SLC35F3: variants seen among roughly 807,000 people sequenced by gnomAD.
SLC35F3 encodes the protein putative thiamine transporter SLC35F3.
SLC35F3 carries 25 observed loss-of-function variants against 49.9 expected under a neutral mutation model. That is an observed-to-expected ratio of 0.50 (90% CI 0.37 to 0.70). SLC35F3 has a LOEUF of 0.70. Ranked by LOEUF, SLC35F3 falls within the 30% of genes least tolerant of loss-of-function variation. The pLI is 0.00. For missense variants in SLC35F3, 525 were observed against 639.8 expected, an observed-to-expected ratio of 0.82 and a Z score of 1.94; for synonymous variants, 275 against 265.4, an observed-to-expected ratio of 1.04 and a Z score of -0.35.
intron 2 of SLC35F3, among the ~76,000 whole-genome samples, chr1:234,211,083 G>C (rs1210894505): frequency 6.6e-6 from 1 of 152,254 alleles, no homozygotes; most frequent in Non-Finnish European, 1.5e-5. Flanking sequence ...TGCTTCAGGA[G>C]GTGTAAACCC....
At chr1:234,205,972 C>G (rs557433955) in intron 2 of SLC35F3, among the ~76,000 whole-genome samples, 1 of 152,032 alleles carries the variant, frequency 6.6e-6, no homozygotes, top group Non-Finnish European at 1.5e-5. Flanking sequence ...GGAGGAAGGA[C>G]CTGCTGCTGA....
At chr1:233,905,850 C>A in intron 2 of SLC35F3, 92 bp downstream of exon 2, 1 of 1,187,522 alleles carries the variant, frequency 8.4e-7, no homozygotes, top group Non-Finnish European at 1.2e-6. Context: ...GTGAGGCGTC[C>A]AGCCACCCCC....
At chr1:234,240,291 G>A (rs183350443) in intron 3 of SLC35F3, among the ~76,000 whole-genome samples, 131 of 146,958 alleles carry the variant, frequency 8.9e-4, no homozygotes, top group Middle Eastern at 3.8e-3. Context: ...CCAACATGAC[G>A]AAACCCCGTC....
intron 2 of SLC35F3, among the ~76,000 whole-genome samples, chr1:234,115,654 T>C (rs1173611973): frequency 6.6e-6 from 1 of 152,240 alleles, no homozygotes; most frequent in Non-Finnish European, 1.5e-5. Flanking sequence ...CCATATCCAC[T>C]TGGATTCTCA....
intron 2 of SLC35F3, among the ~76,000 whole-genome samples, chr1:233,966,597 T>C (rs1258931548): frequency 1.3e-5 from 2 of 152,238 alleles, no homozygotes; most frequent in Non-Finnish European, 2.9e-5. Context: ...CCTAGCCAGC[T>C]AAATTGCCAA....
intron 2 of SLC35F3, among the ~76,000 whole-genome samples, chr1:234,036,030 A>G (rs1664136591): frequency 6.6e-6 from 1 of 152,192 alleles, no homozygotes; most frequent in Non-Finnish European, 1.5e-5. Flanking sequence ...ATGGGTTAGA[A>G]TGGATGACTT....
intron 2 of SLC35F3, among the ~76,000 whole-genome samples, chr1:233,946,485 G>T (rs185795161): frequency 1.3e-5 from 2 of 152,310 alleles, no homozygotes. Flanking sequence ...GTGAACAGTT[G>T]CAAATTATCC....
chr1:233,973,834 A>G (rs1478967106), intron 2 of SLC35F3, among the ~76,000 whole-genome samples: 3 of 152,204 alleles, frequency 2.0e-5, no homozygotes, highest in Non-Finnish European at 4.4e-5. Context: ...GGTAATTTCT[A>G]AGCATAAATT....
intron 2 of SLC35F3, among the ~76,000 whole-genome samples, chr1:233,955,889 T>A (rs1662692138): frequency 7.3e-6 from 1 of 136,610 alleles, no homozygotes; most frequent in Admixed American, 7.2e-5. Flanking sequence ...TTTTTTTTTT[T>A]TTTTTTTTTT....
At chr1:233,979,086 G>C (rs1162764720) in intron 2 of SLC35F3, among the ~76,000 whole-genome samples, 1 of 147,716 alleles carries the variant, frequency 6.8e-6, no homozygotes, top group African/African-American at 2.6e-5. Flanking sequence ...AAACAAAAAA[G>C]AAAAAGAAAA....
chr1:234,023,634 A>G (rs986403235), intron 2 of SLC35F3, among the ~76,000 whole-genome samples: 4 of 152,050 alleles, frequency 2.6e-5, no homozygotes, highest in Admixed American at 6.6e-5. Flanking sequence ...TACGGAAGGG[A>G]TGTTAGTTGG....
At chr1:234,194,133 TA>T (rs201241733) in intron 2 of SLC35F3, among the ~76,000 whole-genome samples, 7 of 108,874 alleles carry the variant, frequency 6.4e-5, no homozygotes, top group African/African-American at 1.9e-4. Flanking sequence ...AAGAAGTCAT[TA>T]TTAAAAAAAG....
At position 234,289,033 on chromosome 1, in the gene SLC35F3, G is replaced by C. The variant is rs187236805; in HGVS notation, c.609-20068G>C. Among the ~76,000 whole-genome samples the C allele has an allele frequency of 1.4e-3, 209 of 152,310 alleles. 1 individual carries two copies. The highest frequency in any genetic ancestry group is 5.1e-4 in the Non-Finnish European group (35 of 68,026). ...CACTCACAGTAATCCAGGGGAAAAG[G>C]GGGGAAGAGAAAGCATAGCCATGAT... is the stretch of plus-strand genomic sequence containing the variant. On this transcript the variant is annotated intron_variant, in intron 3 of 7. Coordinates refer to ENST00000366618, the MANE Select transcript of SLC35F3 (RefSeq NM_173508.4).
intron 2 of SLC35F3, among the ~76,000 whole-genome samples, chr1:233,970,466 A>G (rs765823457): frequency 6.6e-6 from 1 of 152,188 alleles, no homozygotes; most frequent in Non-Finnish European, 1.5e-5. Flanking sequence ...AATGAGGTGA[A>G]TGTATCTTGC....
intron 2 of SLC35F3, among the ~76,000 whole-genome samples, chr1:234,148,380 G>T (rs572863842): frequency 2.0e-5 from 3 of 152,182 alleles, no homozygotes; most frequent in South Asian, 2.1e-4. Context: ...GAGCTGTTTT[G>T]CAGGGAAAGA....
Position 234,226,961 on chromosome 1 carries a change from G to GCGCACACACA in SLC35F3, c.284-4455_284-4454insGCACACACAC, listed in dbSNP as rs141422884. 7.9e-3 allele frequency among the ~76,000 whole-genome samples: 1,168 copies of GCGCACACACA among 148,728 alleles called. 24 individuals are homozygous for GCGCACACACA. The East Asian group carries it at 0.084, about 11-fold the overall frequency. On this transcript the variant is annotated intron_variant, in intron 2 of 7. Transcript: ENST00000366618. ...CCTGCACTGGCGTGCGCGCACGCGT[G>GCGCACACACA]CACACACACACACACACACACACAC...
chr1:234,157,796 G>T (rs750840352), intron 2 of SLC35F3, among the ~76,000 whole-genome samples: 1 of 152,086 alleles, frequency 6.6e-6, no homozygotes, highest in African/African-American at 2.4e-5. Flanking sequence ...ATATTGTTCT[G>T]CATTCAGACC....
intron 3 of SLC35F3, among the ~76,000 whole-genome samples, chr1:234,262,487 T>C (rs1572121856): frequency 1.3e-5 from 2 of 152,202 alleles, no homozygotes; most frequent in African/African-American, 4.8e-5. Context: ...GGAGTGGTGG[T>C]TGCAGTGGCT....
At chr1:233,976,114 CAG>C (rs1663076104) in intron 2 of SLC35F3, among the ~76,000 whole-genome samples, 1 of 152,064 alleles carries the variant, frequency 6.6e-6, no homozygotes, top group Non-Finnish European at 1.5e-5. Flanking sequence ...GGGAGAAAGA[CAG>C]AGGAGGAGGA....
Sources: allele counts gnomAD v4.1 joint callset (sites outside exome capture counted in the v4.1 genomes callset), GRCh38; gene constraint gnomAD v4.1.1; transcripts MANE v1.5; gene names NCBI Gene and HGNC (gene_info 2026-07-23, HGNC 2026-07-21).